Variants in GRIN2B observed in about 807,000 individuals in gnomAD.
The protein encoded by GRIN2B is glutamate receptor ionotropic, NMDA 2B.
GRIN2B carries 5 observed loss-of-function variants against 114.5 expected under a neutral mutation model. The observed-to-expected ratio is 0.04, with a 90% CI of 0.02 to 0.09. The LOEUF is 0.09. GRIN2B is among the 10% of genes least tolerant of loss of function. GRIN2B has a pLI of 1.00. For synonymous variants in GRIN2B, 787 were observed against 745.1 expected, an observed-to-expected ratio of 1.06 and a Z score of -0.92; for missense variants, 1,108 against 1,943.5, an observed-to-expected ratio of 0.57 and a Z score of 8.08.
chr12:13,831,653 G>C (rs1865148535), intron 3 of GRIN2B, among the ~76,000 whole-genome samples: 1 of 152,206 alleles, frequency 6.6e-6, no homozygotes, highest in Non-Finnish European at 1.5e-5. Context: ...GCTCATGTGG[G>C]GGAGCCCGGT....
chr12:13,579,811 A>G lies in GRIN2B; in HGVS notation c.2011-7847T>C, dbSNP rs540945108. The stretch of plus-strand genomic sequence containing the variant: ...GCATTGTCAGATATTTCCCTACACT[A>G]CTAGCTAACATACAAGACCACAGAG... On this transcript the variant is annotated intron_variant, in intron 10 of 13. Coordinates refer to ENST00000609686, the MANE Select transcript of GRIN2B (RefSeq NM_000834.5). Among the ~76,000 whole-genome samples the G allele has an allele frequency of 4.6e-5, 7 of 152,314 alleles. No homozygotes were observed. The South Asian group carries it at 1.4e-3, about 32-fold the overall frequency.
At chr12:13,798,494 T>C (rs1373359342) in intron 3 of GRIN2B, among the ~76,000 whole-genome samples, 3 of 152,132 alleles carry the variant, frequency 2.0e-5, no homozygotes, top group African/African-American at 4.8e-5. Context: ...CCATATAGGG[T>C]AGTATGAGTA....
At chr12:13,838,160 G>A (rs1672398074) in intron 3 of GRIN2B, among the ~76,000 whole-genome samples, 1 of 152,100 alleles carries the variant, frequency 6.6e-6, no homozygotes, top group African/African-American at 2.4e-5. Flanking sequence ...AGAATAAGAG[G>A]TAAATAGCAA....
intron 10 of GRIN2B, among the ~76,000 whole-genome samples, chr12:13,592,583 G>T (rs1949022455): frequency 6.6e-6 from 1 of 152,188 alleles, no homozygotes; most frequent in African/African-American, 2.4e-5. Flanking sequence ...TGACATGGGG[G>T]TGACAAAGGC....
At chr12:13,971,421 C>G (rs1157957455) in intron 2 of GRIN2B, among the ~76,000 whole-genome samples, 1 of 152,112 alleles carries the variant, frequency 6.6e-6, no homozygotes, top group East Asian at 1.9e-4. Flanking sequence ...AAACTATTAA[C>G]CCAGCCAGCC....
chr12:13,866,158 G>C lies in GRIN2B; in HGVS notation c.51C>G (p.Ala17=). The change falls in exon 3 of 14, where the codon GCC becomes GCG. Residue 17 remains alanine, a synonymous_variant. Coordinates refer to ENST00000609686, the MANE Select transcript of GRIN2B (RefSeq NM_000834.5). ...CTCTGCTGCCTGACACGGCCAGGAC[G>C]GCCAACACCAACCAGAACTTGGGAG... ...CCSPKFWLVL[A]VLAVSGSRAR... 1 of 1,612,832 alleles carries C rather than the reference G, an allele frequency of 6.2e-7. No homozygotes were observed.
At chr12:13,880,158 C>A (rs1305007992) in intron 2 of GRIN2B, among the ~76,000 whole-genome samples, 1 of 152,300 alleles carries the variant, frequency 6.6e-6, no homozygotes, top group African/African-American at 2.4e-5. Flanking sequence ...ACTGCCCTGG[C>A]CTTGGGTCCT....
intron 12 of GRIN2B, among the ~76,000 whole-genome samples, chr12:13,568,443 TTGAG>T (rs1948668088): frequency 6.6e-6 from 1 of 152,210 alleles, no homozygotes; most frequent in South Asian, 2.1e-4. Flanking sequence ...ATTATTGCCT[TTGAG>T]TGACAGCTAC....
At chr12:13,842,915 T>G (rs1028269931) in intron 3 of GRIN2B, among the ~76,000 whole-genome samples, 11 of 126,620 alleles carry the variant, frequency 8.7e-5, no homozygotes, top group Non-Finnish European at 1.5e-4. Context: ...AGATTGGTTT[T>G]TCTTTTTTTT....
At chr12:13,713,605 A>T (rs1038302914) in intron 4 of GRIN2B, among the ~76,000 whole-genome samples, 7 of 151,924 alleles carry the variant, frequency 4.6e-5, no homozygotes, top group Admixed American at 1.3e-4. Context: ...AGTCACATGA[A>T]CCAATACGTC....
chr12:13,829,130 T>C (rs1865104129), intron 3 of GRIN2B, among the ~76,000 whole-genome samples: 2 of 152,216 alleles, frequency 1.3e-5, no homozygotes, highest in African/African-American at 4.8e-5. Context: ...GTTCAAACTT[T>C]ACCTTCTCAG....
chr12:13,950,454 T>C (rs1867460105), intron 2 of GRIN2B, among the ~76,000 whole-genome samples: 1 of 152,220 alleles, frequency 6.6e-6, no homozygotes, highest in African/African-American at 2.4e-5. Context: ...ATTTGGAAAA[T>C]AAGGATGATA....
chr12:13,566,763 G>A (rs553408517), intron 13 of GRIN2B, among the ~76,000 whole-genome samples: 1 of 152,290 alleles, frequency 6.6e-6, no homozygotes, highest in African/African-American at 2.4e-5. Flanking sequence ...TTTCCATTTT[G>A]ACAGATCTGT....
At chr12:13,812,606 T>G (rs984578440) in intron 3 of GRIN2B, among the ~76,000 whole-genome samples, 5 of 152,112 alleles carry the variant, frequency 3.3e-5, no homozygotes, top group African/African-American at 1.2e-4. Flanking sequence ...ACACTGCAAA[T>G]GATATAAATT....
chr12:13,883,236 T>G (rs990821614), intron 2 of GRIN2B, among the ~76,000 whole-genome samples: 2 of 152,174 alleles, frequency 1.3e-5, no homozygotes, highest in Non-Finnish European at 2.9e-5. Flanking sequence ...GTCTGTAGTG[T>G]GGATATATGT....
At chr12:13,881,185 G>C (rs987205715) in intron 2 of GRIN2B, among the ~76,000 whole-genome samples, 1 of 152,092 alleles carries the variant, frequency 6.6e-6, no homozygotes, top group Admixed American at 6.5e-5. Flanking sequence ...ATATGTTCAT[G>C]AACAACTCCA....
chr12:13,703,660 A>C (rs1490120724), intron 4 of GRIN2B, among the ~76,000 whole-genome samples: 4 of 152,186 alleles, frequency 2.6e-5, no homozygotes, highest in Admixed American at 6.5e-5. Context: ...ACCAAAATTT[A>C]ATCAACCCCC....
At chr12:13,603,205 C>G (rs1212954144) in intron 10 of GRIN2B, among the ~76,000 whole-genome samples, 1 of 152,172 alleles carries the variant, frequency 6.6e-6, no homozygotes, top group Non-Finnish European at 1.5e-5. Flanking sequence ...AATAATGTCT[C>G]TAAAAGGCTT....
intron 6 of GRIN2B, 23 bp downstream of exon 6, chr12:13,616,432 A>G: frequency 6.3e-7 from 1 of 1,585,986 alleles, no homozygotes; most frequent in Non-Finnish European, 8.7e-7. Flanking sequence ...ATGCCACCCA[A>G]AGTCATTGAG....
Sources: gnomAD v4.1 joint callset for allele counts (sites outside exome capture counted in the v4.1 genomes callset) on GRCh38, gnomAD v4.1.1 for gene constraint, MANE v1.5 for transcripts, NCBI Gene and HGNC (gene_info 2026-07-23, HGNC 2026-07-21) for gene names.